Variants in HTR4 observed in about 807,000 individuals in gnomAD.
HTR4 encodes 5-hydroxytryptamine (serotonin) receptor 4, G protein-coupled.
Under a neutral mutation model 36.8 loss-of-function variants are expected in HTR4, and 16 were observed. The observed-to-expected ratio is 0.43, with a 90% confidence interval of 0.29 to 0.66. HTR4 has a LOEUF of 0.66. Among genes scored for constraint, HTR4 ranks in the 30% least tolerant of loss-of-function variants. HTR4 has a pLI of 0.13. For synonymous variants in HTR4, 189 were observed against 185.1 expected, an observed-to-expected ratio of 1.02 and a Z score of -0.17; for missense variants, 438 against 490.9, an observed-to-expected ratio of 0.89 and a Z score of 1.02.
chr5:148,557,359 C>T (rs552289828), intron 2 of HTR4, among the ~76,000 whole-genome samples: 48 of 139,558 alleles, frequency 3.4e-4, no homozygotes, highest in African/African-American at 1.1e-3. Context: ...CACAAATAAA[C>T]GCCATATTTT....
intron 4 of HTR4, 42 bp from the exon 5 acceptor site, chr5:148,523,388 A>C (rs200634941): frequency 1.3e-6 from 2 of 1,515,490 alleles, no homozygotes; most frequent in Non-Finnish European, 1.8e-6. Context: ...ATGGGCAAGG[A>C]GGAATGGGAG....
At chr5:148,458,238 G>T (rs1409792921) in intron 5 of HTR4, among the ~76,000 whole-genome samples, 1 of 150,398 alleles carries the variant, frequency 6.6e-6, no homozygotes, top group Non-Finnish European at 1.5e-5. Context: ...TCAACCCTAA[G>T]GCAGTTTCAC....
At chr5:148,504,046 G>C (rs1052119751) in intron 6 of HTR4, among the ~76,000 whole-genome samples, 1 of 152,096 alleles carries the variant, frequency 6.6e-6, no homozygotes, top group South Asian at 2.1e-4. Context: ...ATAATAATGG[G>C]AGACTTTAAC....
intron 2 of HTR4, among the ~76,000 whole-genome samples, chr5:148,561,941 C>T (rs1385181512): frequency 6.6e-6 from 1 of 152,218 alleles, no homozygotes; most frequent in Non-Finnish European, 1.5e-5. Context: ...GTGGATACAG[C>T]TCTCCATATT....
intron 5 of HTR4, chr5:148,461,901 C>T (rs546818913): frequency 4.6e-5 from 7 of 152,128 alleles, no homozygotes; most frequent in South Asian, 2.1e-4. Flanking sequence ...ATAGAAATTA[C>T]ACAATGTCTG....
intron 6 of HTR4, among the ~76,000 whole-genome samples, chr5:148,507,295 A>T (rs1321683653): frequency 4.8e-5 from 7 of 145,134 alleles, no homozygotes; most frequent in Non-Finnish European, 6.0e-5. Flanking sequence ...AACGCCGCAT[A>T]TTCTCTCTCA....
intron 2 of HTR4, among the ~76,000 whole-genome samples, chr5:148,606,857 A>G (rs997869558): frequency 1.3e-5 from 2 of 152,176 alleles, no homozygotes; most frequent in African/African-American, 4.8e-5. Flanking sequence ...ATAACACTTT[A>G]TTGGAAGTTG....
chr5:148,599,029 G>A (rs747417139), intron 2 of HTR4, among the ~76,000 whole-genome samples: 22 of 151,952 alleles, frequency 1.4e-4, no homozygotes, highest in Non-Finnish European at 3.1e-4. Context: ...TGAATTACAG[G>A]ACATAGATAA....
intron 5 of HTR4, among the ~76,000 whole-genome samples, chr5:148,521,185 T>C (rs1215511859): frequency 6.6e-6 from 1 of 152,238 alleles, no homozygotes; most frequent in African/African-American, 2.4e-5. Flanking sequence ...TGATCTTCAT[T>C]GTAAGTTTAG....
chr5:148,501,061 G>A (rs1224758850), intron 6 of HTR4, among the ~76,000 whole-genome samples: 1 of 152,032 alleles, frequency 6.6e-6, no homozygotes, highest in African/African-American at 2.4e-5. Flanking sequence ...ATTACAAACA[G>A]TACAGTTTGC....
intron 6 of HTR4, among the ~76,000 whole-genome samples, chr5:148,497,126 C>CAA (rs556270809): frequency 6.6e-6 from 1 of 151,564 alleles, no homozygotes; most frequent in African/African-American, 2.4e-5. Flanking sequence ...TTATACTTTT[C>CAA]AAAAAAAACC....
At chr5:148,474,938 C>T (rs1387542324), downstream of HTR4, among the ~76,000 whole-genome samples, 1 of 151,868 alleles carries the variant, frequency 6.6e-6, no homozygotes, top group Non-Finnish European at 1.5e-5. Flanking sequence ...CCCAGCTACT[C>T]GGGAGGCTGA....
chr5:148,557,557 T>G (rs1760011418), intron 2 of HTR4, among the ~76,000 whole-genome samples: 1 of 151,700 alleles, frequency 6.6e-6, no homozygotes, highest in African/African-American at 2.4e-5. Flanking sequence ...TCTATGGGAT[T>G]TAGAGAACTG....
chr5:148,651,494 C>A (rs1037560137), intron 1 of HTR4, among the ~76,000 whole-genome samples: 3 of 152,090 alleles, frequency 2.0e-5, no homozygotes, highest in South Asian at 2.1e-4. Context: ...CCCACCCACC[C>A]CCCGGACATT....
At chr5:148,603,350 A>G (rs1024532557) in intron 2 of HTR4, among the ~76,000 whole-genome samples, 3 of 152,006 alleles carry the variant, frequency 2.0e-5, no homozygotes, top group Non-Finnish European at 4.4e-5. Context: ...CAAAGAAAAA[A>G]CTCAGCAAAC....
intron 4 of HTR4, among the ~76,000 whole-genome samples, chr5:148,530,967 G>A (rs1282245343): frequency 1.3e-5 from 2 of 152,178 alleles, no homozygotes; most frequent in African/African-American, 4.8e-5. Flanking sequence ...TAGCCCCTTT[G>A]TTTTGCTCAA....
intron 5 of HTR4, among the ~76,000 whole-genome samples, chr5:148,455,192 A>G (rs1476653258): frequency 6.6e-6 from 1 of 152,144 alleles, no homozygotes; most frequent in Non-Finnish European, 1.5e-5. Context: ...TGAGGCTCAG[A>G]GCAGTTACGC....
At chr5:148,592,540 C>T (rs1761615754) in intron 2 of HTR4, among the ~76,000 whole-genome samples, 1 of 152,030 alleles carries the variant, frequency 6.6e-6, no homozygotes, top group Admixed American at 6.5e-5. Context: ...CAGACTCTTC[C>T]CTCTAATAAT....
intron 4 of HTR4, among the ~76,000 whole-genome samples, chr5:148,532,628 G>A (rs1424532280): frequency 6.6e-6 from 1 of 152,178 alleles, no homozygotes; most frequent in Non-Finnish European, 1.5e-5. Context: ...AGACAGCATG[G>A]CCAAGGCCTG....
Sources: gnomAD v4.1 joint callset for allele counts (sites outside exome capture counted in the v4.1 genomes callset) on GRCh38, gnomAD v4.1.1 for gene constraint, MANE v1.5 for transcripts, NCBI Gene and HGNC (gene_info 2026-07-23, HGNC 2026-07-21) for gene names.